Variants in SNX29 observed in about 807,000 individuals in gnomAD.
The protein encoded by SNX29 is sorting nexin 29.
A neutral mutation model predicts 102.1 loss-of-function variants in SNX29; 78 were observed. The observed-to-expected ratio is 0.76, with a 90% confidence interval of 0.64 to 0.92. The LOEUF is 0.92. Ranked by LOEUF, SNX29 falls within the 40% of genes least tolerant of loss-of-function variation. The probability of loss-of-function intolerance (pLI) is 0.00; values close to 1 mark genes in which losing one functional copy is unlikely to be tolerated. For missense variants in SNX29, 1,280 were observed against 1,061.7 expected, an observed-to-expected ratio of 1.21 and a Z score of -2.86; for synonymous variants, 580 against 414.5, an observed-to-expected ratio of 1.40 and a Z score of -4.85.
chr16:12,418,470 G>A (rs949896416), intron 18 of SNX29, among the ~76,000 whole-genome samples: 1 of 152,018 alleles, frequency 6.6e-6, no homozygotes, highest in Non-Finnish European at 1.5e-5. Context: ...TCTGGGCATG[G>A]TGTGGTCATT....
intron 18 of SNX29, among the ~76,000 whole-genome samples, chr16:12,461,978 A>ATATATACATATATATATAT (rs869301507): frequency 1.8e-4 from 5 of 27,354 alleles, no homozygotes; most frequent in African/African-American, 6.9e-4. Flanking sequence ...AAAAAAAAAA[A>ATATATACATATATATATAT]ATATATATAT....
At chr16:12,163,790 GACCATA>G (rs2141686235) in intron 13 of SNX29, among the ~76,000 whole-genome samples, 1 of 152,306 alleles carries the variant, frequency 6.6e-6, no homozygotes, top group African/African-American at 2.4e-5. Context: ...GGAGAGAACG[GACCATA>G]AGCTGATGCA....
At chr16:12,458,245 A>G (rs769506422) in intron 18 of SNX29, among the ~76,000 whole-genome samples, 3 of 152,126 alleles carry the variant, frequency 2.0e-5, no homozygotes, top group Non-Finnish European at 2.9e-5. Context: ...ATTTTGTAGC[A>G]TATCTGCCCC....
chr16:12,132,177 C>A (rs2054494609), intron 13 of SNX29, among the ~76,000 whole-genome samples: 1 of 151,686 alleles, frequency 6.6e-6, no homozygotes, highest in African/African-American at 2.4e-5. Context: ...CGGCTCACTG[C>A]AACCTCTGCC....
intron 18 of SNX29, among the ~76,000 whole-genome samples, chr16:12,461,978 A>AAAAAAATATAT (rs1555544501): frequency 3.7e-5 from 1 of 27,354 alleles, no homozygotes; most frequent in Non-Finnish European, 6.3e-5. Flanking sequence ...AAAAAAAAAA[A>AAAAAAATATAT]ATATATATAT....
chr16:12,158,925 G>A (rs757019321), intron 13 of SNX29, among the ~76,000 whole-genome samples: 28 of 152,200 alleles, frequency 1.8e-4, no homozygotes, highest in Non-Finnish European at 4.0e-4. Context: ...AACTCAGAAC[G>A]AGGATCTTTG....
At chr16:12,132,133 G>T (rs1417363596) in intron 13 of SNX29, among the ~76,000 whole-genome samples, 1 of 147,176 alleles carries the variant, frequency 6.8e-6, no homozygotes, top group African/African-American at 2.5e-5. Context: ...TTCTTGCCCT[G>T]TCGTGCCCAG....
At chr16:12,109,694 A>G (rs1406918700) in intron 11 of SNX29, among the ~76,000 whole-genome samples, 3 of 151,738 alleles carry the variant, frequency 2.0e-5, no homozygotes, top group African/African-American at 7.3e-5. Flanking sequence ...AGCTCCTGCA[A>G]GAAGGCTCAA....
intron 13 of SNX29, among the ~76,000 whole-genome samples, chr16:12,198,433 G>A (rs905984436): frequency 1.3e-5 from 2 of 151,852 alleles, no homozygotes; most frequent in African/African-American, 4.9e-5. Flanking sequence ...AATGTGTTCT[G>A]ATGGAGTATT....
intron 18 of SNX29, among the ~76,000 whole-genome samples, chr16:12,420,742 G>T (rs2084839935): frequency 6.6e-6 from 1 of 152,178 alleles, no homozygotes; most frequent in Non-Finnish European, 1.5e-5. Context: ...CAGTCAAGGT[G>T]AGATGAGATG....
At chr16:12,431,434 C>CTTCTTTTTTTTTTTTT (rs779738786) in intron 18 of SNX29, among the ~76,000 whole-genome samples, 1 of 136,952 alleles carries the variant, frequency 7.3e-6, no homozygotes, top group African/African-American at 2.7e-5. Context: ...TCTTCTTCTT[C>CTTCTTTTTTTTTTTTT]TTTTTTTTTT....
intron 20 of SNX29, among the ~76,000 whole-genome samples, chr16:12,562,900 T>C (rs550343038): frequency 2.4e-4 from 36 of 152,282 alleles, no homozygotes; most frequent in African/African-American, 8.4e-4. Context: ...AATTTGACGA[T>C]GTGCTTGAGA....
At chr16:12,125,437 G>C (rs555681384) in intron 11 of SNX29, among the ~76,000 whole-genome samples, 2 of 151,874 alleles carry the variant, frequency 1.3e-5, no homozygotes, top group East Asian at 3.9e-4. Context: ...CAGGTGCCTC[G>C]TCCAAGAGGC....
At chr16:12,215,056 A>T (rs953720553) in intron 14 of SNX29, among the ~76,000 whole-genome samples, 1 of 152,166 alleles carries the variant, frequency 6.6e-6, no homozygotes, top group African/African-American at 2.4e-5. Context: ...GAGTGAATGC[A>T]TGAATGAGTT....
chr16:12,285,491 A>T (rs1458422983), intron 15 of SNX29, among the ~76,000 whole-genome samples: 1 of 152,230 alleles, frequency 6.6e-6, no homozygotes, highest in South Asian at 2.1e-4. Context: ...ATTTGTTCTC[A>T]TTATAATGGC....
At chr16:12,526,818 C>T (rs1241272944) in intron 20 of SNX29, 1 of 403,742 alleles carries the variant, frequency 2.5e-6, no homozygotes, top group East Asian at 4.3e-5. Flanking sequence ...CATCTCCGGT[C>T]CAGTGTTTCC....
intron 19 of SNX29, among the ~76,000 whole-genome samples, chr16:12,517,883 G>A (rs1340268231): frequency 6.6e-6 from 1 of 152,162 alleles, no homozygotes; most frequent in Non-Finnish European, 1.5e-5. Flanking sequence ...AGACCAAAAT[G>A]GCAAGGCCTT....
rs139010586 is a variant in SNX29, at chr16:12,047,777, C to G, written c.500-595C>G. On this transcript the variant is annotated intron_variant, in intron 6 of 20. Coordinates refer to ENST00000566228, the MANE Select transcript of SNX29 (RefSeq NM_032167.5). The stretch of plus-strand genomic sequence containing the variant: ...GGTTCAAGCGATTCTCCTGCTGCAG[C>G]CTCCCGAGTAGCTGGGATTATAGGC... Among the ~76,000 whole-genome samples, 858 of 151,818 alleles carry G rather than the reference C, an allele frequency of 5.7e-3. 15 individuals carry two copies. The highest frequency in any genetic ancestry group is 0.019 in the African/African-American group (790 of 41,322).
chr16:12,481,452 A>G (rs1213792520), intron 19 of SNX29, among the ~76,000 whole-genome samples: 5 of 104,380 alleles, frequency 4.8e-5, no homozygotes, highest in Admixed American at 4.7e-4. Context: ...ACACACATAT[A>G]TACATATATA....
Sources: gnomAD v4.1 joint callset for allele counts (sites outside exome capture counted in the v4.1 genomes callset) on GRCh38, gnomAD v4.1.1 for gene constraint, MANE v1.5 for transcripts, NCBI Gene and HGNC (gene_info 2026-07-23, HGNC 2026-07-21) for gene names.